KCNMA1: variants seen among roughly 807,000 people sequenced by gnomAD.
KCNMA1 encodes the protein potassium calcium-activated channel subfamily M alpha 1.
A neutral mutation model predicts 140.0 loss-of-function variants in KCNMA1; 29 were observed. That is an observed-to-expected ratio of 0.21 (90% CI 0.15 to 0.28). The LOEUF is 0.28. Among genes scored for constraint, KCNMA1 ranks in the 10% least tolerant of loss-of-function variants. The pLI is 1.00. For missense variants in KCNMA1, 880 were observed against 1,602.2 expected (o/e 0.55, Z 7.70); for synonymous variants, 612 against 611.9 (o/e 1.00, Z 0.00).
intron 1 of KCNMA1, among the ~76,000 whole-genome samples, chr10:77,475,439 G>A (rs1393078430): frequency 6.6e-6 from 1 of 152,178 alleles, no homozygotes; most frequent in Non-Finnish European, 1.5e-5. Flanking sequence ...GGGAGAAATC[G>A]TAACTTGCAT....
At chr10:77,352,252 T>G (rs1219976491) in intron 2 of KCNMA1, among the ~76,000 whole-genome samples, 2 of 152,270 alleles carry the variant, frequency 1.3e-5, no homozygotes, top group African/African-American at 4.8e-5. Context: ...AGTTTCTTAT[T>G]TCTCCTGGTT....
chr10:77,244,456 T>C (rs943942359), intron 3 of KCNMA1, among the ~76,000 whole-genome samples: 3 of 152,172 alleles, frequency 2.0e-5, no homozygotes, highest in African/African-American at 7.2e-5. Context: ...GATGCCTAGG[T>C]ACCACTTGTG....
chr10:77,104,999 A>G (rs1004585), intron 9 of KCNMA1, among the ~76,000 whole-genome samples: 3,448 of 152,334 alleles, frequency 0.023, 61 homozygotes, highest in South Asian at 0.052. Flanking sequence ...GATTTAGGGT[A>G]TCAGCCCAAG....
intron 2 of KCNMA1, among the ~76,000 whole-genome samples, chr10:77,251,546 T>C (rs1278173745): frequency 2.0e-5 from 3 of 152,184 alleles, no homozygotes; most frequent in Admixed American, 6.5e-5. Context: ...TTCTCTGCAA[T>C]TGTAGTTGAT....
chr10:77,346,699 T>C (rs2092214698), intron 2 of KCNMA1, among the ~76,000 whole-genome samples: 1 of 152,142 alleles, frequency 6.6e-6, no homozygotes, highest in Admixed American at 6.5e-5. Context: ...TCCTGTGACA[T>C]TGGCACAGAC....
chr10:77,467,364 C>T (rs1405577859), intron 1 of KCNMA1, among the ~76,000 whole-genome samples: 1 of 152,198 alleles, frequency 6.6e-6, no homozygotes, highest in East Asian at 1.9e-4. Flanking sequence ...GTCTCCGAAG[C>T]AGTTGTCTTC....
At position 76,915,153 on chromosome 10, in the gene KCNMA1, C is replaced by T. The variant is rs550746518; in HGVS notation, c.2903-104G>A. On this transcript the variant is annotated intron_variant, in intron 23 of 27. Transcript: ENST00000286628. ...TACAACCCCAAAAATGTAGCTTATG[C>T]ATTATTCACAGGTCAACAATTAGTA... is the stretch of plus-strand genomic sequence containing the variant. 30 of 754,234 alleles carry T rather than the reference C, an allele frequency of 4.0e-5. 1 individual carries two copies. The South Asian group carries it at 4.2e-4, about 11-fold the overall frequency. The allele number at this position is 754,234 out of a possible 1,614,324, so 46.7% of individuals were successfully genotyped here.
chr10:77,462,286 C>T (rs1456358751), intron 1 of KCNMA1, among the ~76,000 whole-genome samples: 1 of 152,132 alleles, frequency 6.6e-6, no homozygotes, highest in East Asian at 1.9e-4. Context: ...CACATACACA[C>T]ATGAGCACAC....
chr10:77,609,566 ACTG>A, intron 1 of KCNMA1, among the ~76,000 whole-genome samples: 2 of 152,310 alleles, frequency 1.3e-5, no homozygotes, highest in South Asian at 4.2e-4. Context: ...ATTCTTGAAA[ACTG>A]CTAAGAAAAG....
intron 2 of KCNMA1, among the ~76,000 whole-genome samples, chr10:77,287,914 T>C (rs970328738): frequency 4.6e-5 from 7 of 152,202 alleles, no homozygotes; most frequent in African/African-American, 1.7e-4. Context: ...GTTGTTAGTC[T>C]CTGGAACAAT....
At chr10:77,062,895 T>C (rs75589812) in intron 14 of KCNMA1, among the ~76,000 whole-genome samples, 4,327 of 152,220 alleles carry the variant, frequency 0.028, 233 homozygotes, top group East Asian at 0.22. Context: ...GAGAAGCCAA[T>C]GATGTTGTAG....
intron 14 of KCNMA1, among the ~76,000 whole-genome samples, chr10:77,042,424 A>G (rs1435201286): frequency 6.6e-6 from 1 of 152,194 alleles, no homozygotes; most frequent in East Asian, 1.9e-4. Flanking sequence ...GTATTAACAT[A>G]ATTTGTTTTA....
At chr10:77,420,960 T>A (rs1461486880) in intron 1 of KCNMA1, among the ~76,000 whole-genome samples, 1 of 152,246 alleles carries the variant, frequency 6.6e-6, no homozygotes, top group Non-Finnish European at 1.5e-5. Flanking sequence ...CCACAAGGTT[T>A]CTATCAGTCA....
intron 2 of KCNMA1, among the ~76,000 whole-genome samples, chr10:77,334,876 T>A (rs184132897): frequency 6.6e-6 from 1 of 152,364 alleles, no homozygotes; most frequent in East Asian, 1.9e-4. Flanking sequence ...AATTTCAACA[T>A]GTATCCAATA....
At chr10:77,363,904 T>C (rs750792724) in intron 2 of KCNMA1, among the ~76,000 whole-genome samples, 46 of 152,218 alleles carry the variant, frequency 3.0e-4, no homozygotes, top group African/African-American at 9.9e-4. Flanking sequence ...CTTTTTAAAA[T>C]GGACTTGTCA....
intron 1 of KCNMA1, among the ~76,000 whole-genome samples, chr10:77,557,245 A>T (rs1192759919): frequency 1.3e-5 from 2 of 152,216 alleles, no homozygotes; most frequent in Non-Finnish European, 2.9e-5. Flanking sequence ...AGCTTTCAAG[A>T]ACACTATGAA....
At chr10:77,017,958 T>C (rs533817183) in intron 17 of KCNMA1, among the ~76,000 whole-genome samples, 1 of 152,288 alleles carries the variant, frequency 6.6e-6, no homozygotes, top group Non-Finnish European at 1.5e-5. Flanking sequence ...TCTGTAAGAA[T>C]GTGGTAGTAT....
Position 77,117,467 on chromosome 10 carries a change from T to C in KCNMA1, c.884+3506A>G, listed in dbSNP as rs972698596. On this transcript the variant is annotated intron_variant, in intron 6 of 27. Coordinates refer to ENST00000286628, the MANE Select transcript of KCNMA1 (RefSeq NM_001161352.2). ...GGGAGGCTGAGGCAGGAGAATGGCT[T>C]GAACCCTGGAGACGGAGGTTGCAGT... Among the ~76,000 whole-genome samples, 9 of 136,518 alleles carry C rather than the reference T, an allele frequency of 6.6e-5. No individual in the cohort carries two copies. In the Admixed American group the frequency reaches 7.7e-4, roughly 12 times the overall value. 89.6% of individuals were successfully genotyped at this position (136,518 alleles called of 152,430 possible). A position where few individuals can be genotyped will look rare whatever the true frequency, so the allele number is the denominator to read the frequency against.
intron 19 of KCNMA1, among the ~76,000 whole-genome samples, chr10:76,971,973 G>GT (rs879562013): frequency 1.5e-4 from 20 of 137,528 alleles, no homozygotes; most frequent in South Asian, 4.7e-4. Context: ...GAGGGTGTGT[G>GT]GGTGTGTGTG....
Sources: gnomAD v4.1 joint callset for allele counts (sites outside exome capture counted in the v4.1 genomes callset) on GRCh38, gnomAD v4.1.1 for gene constraint, MANE v1.5 for transcripts, NCBI Gene and HGNC (gene_info 2026-07-23, HGNC 2026-07-21) for gene names.